Variants in MAP3K4 observed in about 807,000 individuals in gnomAD.
The protein encoded by MAP3K4 is MAP three kinase 1.
Under a neutral mutation model 185.6 loss-of-function variants are expected in MAP3K4, and 67 were observed. That is an observed-to-expected ratio of 0.36 (90% CI 0.30 to 0.44). The LOEUF is 0.44. MAP3K4 is among the 20% of genes least tolerant of loss of function. The probability of loss-of-function intolerance (pLI) is 1.00; values close to 1 mark genes in which losing one functional copy is unlikely to be tolerated. For synonymous variants in MAP3K4, 702 were observed against 710.4 expected (o/e 0.99, Z 0.19); for missense variants, 1,551 against 1,995.1 (o/e 0.78, Z 4.24).
chr6:161,038,724 G>T (rs762157700), intron 2 of MAP3K4, among the ~76,000 whole-genome samples: 2 of 152,220 alleles, frequency 1.3e-5, no homozygotes, highest in Non-Finnish European at 2.9e-5. Flanking sequence ...AGGATGTCTG[G>T]AGCCTTGGCT....
In MAP3K4 at chr6:161,110,290, C is replaced by T. The variant is rs529809180; in HGVS notation, c.4396+376C>T. 7.9e-5 allele frequency among the ~76,000 whole-genome samples: 12 copies of T among 152,086 alleles called. No homozygotes were observed. Among genetic ancestry groups the T allele is most frequent in the South Asian group, 2.1e-4 (1 of 4,806 alleles). On this transcript the variant is annotated intron_variant, in intron 23 of 26. Transcript: ENST00000392142. The surrounding 1 kb of genome is among the most constrained non-coding windows in gnomAD (Gnocchi z 4.8). The stretch of plus-strand genomic sequence containing the variant: ...ATATGAAAATCATGAATATGTAAAC[C>T]GACAGTAAATCAGATCAGAAGTGCA...
chr6:161,019,220 A>G (rs1782260503), intron 1 of MAP3K4, among the ~76,000 whole-genome samples: 1 of 152,216 alleles, frequency 6.6e-6, no homozygotes, highest in Non-Finnish European at 1.5e-5. Flanking sequence ...ACACAGAAGA[A>G]ACCCTGTCAC....
Position 160,991,832 on chromosome 6 carries a change from C to T in MAP3K4, c.-100C>T. On this transcript the variant is annotated 5_prime_UTR_variant, in exon 1 of 27. Transcript: ENST00000392142. The surrounding 1 kb of genome is among the most constrained non-coding windows in gnomAD (Gnocchi z 5.7). ...CACGGCTCCTGCGGCGGGGTAGAGG[C>T]GGAGGCGGAGTCGAGTCACTCCCGC... The T allele has an allele frequency of 2.3e-6, 3 of 1,308,208 alleles. No individual in the cohort carries two copies. Among genetic ancestry groups the T allele is most frequent in the Non-Finnish European group, 9.9e-7 (1 of 1,012,958 alleles). 81.0% of individuals were successfully genotyped at this position (1,308,208 alleles called of 1,614,324 possible).
At position 161,067,847 on chromosome 6, in the gene MAP3K4, T is replaced by C. The variant is rs1784776579; in HGVS notation, c.1708-2761T>C. Among the ~76,000 whole-genome samples, 3 of 152,260 alleles carry C rather than the reference T, an allele frequency of 2.0e-5. No individual in the cohort carries two copies. Among genetic ancestry groups the C allele is most frequent in the Admixed American group, 2.0e-4 (3 of 15,288 alleles). On this transcript the variant is annotated intron_variant, in intron 3 of 26. Coordinates refer to ENST00000392142, the MANE Select transcript of MAP3K4 (RefSeq NM_005922.4). The surrounding 1 kb of genome is among the most constrained non-coding windows in gnomAD (Gnocchi z 6.3). ...TCTCAGTTATGCCAAGTATATGTTA[T>C]TCTTTTTGAAAATCAAAACATCCAC...
At chr6:161,105,429 G>A (rs1440145631) in intron 19 of MAP3K4, among the ~76,000 whole-genome samples, 3 of 152,208 alleles carry the variant, frequency 2.0e-5, no homozygotes, top group African/African-American at 4.8e-5. Flanking sequence ...TTTTTAATGT[G>A]TGAGGAAGTT....
In MAP3K4 at chr6:161,019,757, T is replaced by C. The variant is rs547202946; in HGVS notation, c.153-14502T>C. 2.6e-5 allele frequency among the ~76,000 whole-genome samples: 4 copies of C among 152,300 alleles called. No homozygotes were observed. The East Asian group carries it at 5.8e-4, about 22-fold the overall frequency. ...TTATTGTGTTTAGTCGTAACCTTGA[T>C]TATGAACCATTTAAGGAGTTTTCTA... On this transcript the variant is annotated intron_variant, in intron 1 of 26. Transcript: ENST00000392142.
Position 161,017,789 on chromosome 6 carries a change from A to G in MAP3K4, c.153-16470A>G, listed in dbSNP as rs1782184095. 6.6e-6 allele frequency among the ~76,000 whole-genome samples: 1 copy of G among 152,196 alleles called. No homozygotes were observed. Among genetic ancestry groups the G allele is most frequent in the Admixed American group, 6.5e-5 (1 of 15,286 alleles). ...TGATCCTATTATATAATACTTAGCTACATCATGTAATCAGTCACTTTGAAG... is the reference window on the plus strand; with the variant it reads ...TGATCCTATTATATAATACTTAGCTGCATCATGTAATCAGTCACTTTGAAG... On this transcript the variant is annotated intron_variant, in intron 1 of 26. Coordinates refer to ENST00000392142, the MANE Select transcript of MAP3K4 (RefSeq NM_005922.4). The surrounding 1 kb of genome is among the most constrained non-coding windows in gnomAD (Gnocchi z 5.1).
chr6:161,018,301 A>G (rs1429484832), intron 1 of MAP3K4, among the ~76,000 whole-genome samples: 6 of 152,198 alleles, frequency 3.9e-5, no homozygotes, highest in African/African-American at 1.4e-4. Context: ...ATTGTGTGGA[A>G]TAGAAACTCT....
rs1777922891 is a variant in MAP3K4, at chr6:161,103,572, C to T, written c.3856+793C>T. The stretch of plus-strand genomic sequence containing the variant: ...GGGGAGAGCCACTGGGCGCAGATGC[C>T]AATGCAGGAGAAACTGGAGAGTGAG... On this transcript the variant is annotated intron_variant, in intron 19 of 26. Transcript: ENST00000392142. This position sits in a 1 kb window ranked among gnomAD's most constrained non-coding sequence, Gnocchi z 4.6. Among the ~76,000 whole-genome samples, 1 of 152,132 alleles carries T rather than the reference C, an allele frequency of 6.6e-6. No homozygotes were observed. The highest frequency in any genetic ancestry group is 2.1e-4 in the South Asian group (1 of 4,826).
Position 161,071,010 on chromosome 6 carries a change from AAAAT to A in MAP3K4, c.1950+161_1950+164del, listed in dbSNP as rs1483964083. ...TAAGCTGTATATTTTAGGGTAATTA[AAAAT>A]GTTCTTTATATGCGGTCCTCAAAGG... On this transcript the variant is annotated intron_variant, in intron 4 of 26. Coordinates refer to ENST00000392142, the MANE Select transcript of MAP3K4 (RefSeq NM_005922.4). The surrounding 1 kb of genome is among the most constrained non-coding windows in gnomAD (Gnocchi z 4.6). Among the ~76,000 whole-genome samples, 2 of 152,114 alleles carry A rather than the reference AAAAT, an allele frequency of 1.3e-5. No homozygotes were observed. Among genetic ancestry groups the A allele is most frequent in the South Asian group, 4.1e-4 (2 of 4,824 alleles).
intron 7 of MAP3K4, among the ~76,000 whole-genome samples, chr6:161,085,023 C>T (rs1388933727): frequency 2.0e-5 from 3 of 151,882 alleles, no homozygotes; most frequent in Admixed American, 2.0e-4. Context: ...GGCACGCACC[C>T]GTGATCCCAG....
At position 161,054,329 on chromosome 6, in the gene MAP3K4, A is replaced by G. The variant is rs1403147023; in HGVS notation, c.1707+4350A>G. Reference sequence around the variant, plus strand: ...GCCACTATGCCTGGCTAATTTTTGTATTTTTAGTAGAGATGGTGTTTCACC... The same window carrying G: ...GCCACTATGCCTGGCTAATTTTTGTGTTTTTAGTAGAGATGGTGTTTCACC... On this transcript the variant is annotated intron_variant, in intron 3 of 26. Transcript: ENST00000392142. This position sits in a 1 kb window ranked among gnomAD's most constrained non-coding sequence, Gnocchi z 4.2. 6.6e-6 allele frequency among the ~76,000 whole-genome samples: 1 copy of G among 151,780 alleles called. No homozygotes were observed. Among genetic ancestry groups the G allele is most frequent in the Non-Finnish European group, 1.5e-5 (1 of 67,942 alleles).
intron 11 of MAP3K4, among the ~76,000 whole-genome samples, chr6:161,090,966 C>T (rs1583220013): frequency 6.6e-6 from 1 of 152,168 alleles, no homozygotes; most frequent in South Asian, 2.1e-4. Flanking sequence ...GAAGAGAACC[C>T]CTGGACTAGG....
intron 1 of MAP3K4, among the ~76,000 whole-genome samples, chr6:161,026,747 T>G (rs1419646283): frequency 6.7e-6 from 1 of 148,774 alleles, no homozygotes; most frequent in African/African-American, 2.5e-5. Flanking sequence ...TTTTTTTTTT[T>G]TTTTTTTTTT....
At chr6:161,095,173 A>G (rs958457719) in intron 15 of MAP3K4, among the ~76,000 whole-genome samples, 5 of 152,188 alleles carry the variant, frequency 3.3e-5, no homozygotes, top group African/African-American at 9.7e-5. Context: ...GGAGACTCAC[A>G]TGGTCCTTTG....
intron 1 of MAP3K4, among the ~76,000 whole-genome samples, chr6:161,001,871 C>T (rs1781335892): frequency 6.6e-6 from 1 of 152,106 alleles, no homozygotes; most frequent in African/African-American, 2.4e-5. Context: ...TGTTTTATTA[C>T]ATTTCTCTTT....
Position 161,049,324 on chromosome 6 carries a change from T to A in MAP3K4, c.1052T>A (p.Phe351Tyr). The change falls in exon 3 of 27, where the codon TTT becomes TAT. Residue 351 changes from phenylalanine to tyrosine, a missense_variant. Physicochemically the swap from Phe to Tyr is conservative, Grantham distance 22. Coordinates refer to ENST00000392142, the MANE Select transcript of MAP3K4 (RefSeq NM_005922.4). The surrounding 1 kb of genome is among the most constrained non-coding windows in gnomAD (Gnocchi z 8.4). ...CATCTCCAACGCCAGAGGGTCTCAT[T>A]TGAGCAGGTAAAACGGATAATGGAG... ...HEHLQRQRVS[F>Y]EQVKRIMELL... The A allele has an allele frequency of 6.2e-7, 1 of 1,614,132 alleles. No homozygotes were observed. Among genetic ancestry groups the A allele is most frequent in the Non-Finnish European group, 8.5e-7 (1 of 1,180,004 alleles).
chr6:161,052,059 A>T (rs1053826860), intron 3 of MAP3K4, among the ~76,000 whole-genome samples: 1 of 152,048 alleles, frequency 6.6e-6, no homozygotes, highest in African/African-American at 2.4e-5. Flanking sequence ...GTATAACCTC[A>T]CCTCTAATTC....
chr6:161,102,955 A>C (rs1777902456), intron 19 of MAP3K4, among the ~76,000 whole-genome samples, 176 bp downstream of exon 19: 1 of 152,204 alleles, frequency 6.6e-6, no homozygotes, highest in African/African-American at 2.4e-5. Context: ...GTGTTTGTGT[A>C]CATTTCCTAT....
Sources: gnomAD v4.1 joint callset for allele counts (sites outside exome capture counted in the v4.1 genomes callset) on GRCh38, gnomAD v4.1.1 for gene constraint, Gnocchi (gnomAD v3.1) non-coding constraint, MANE v1.5 for transcripts, NCBI Gene and HGNC (gene_info 2026-07-23, HGNC 2026-07-21) for gene names.